CERCAM: variants seen among roughly 807,000 people sequenced by gnomAD.
CERCAM encodes inactive glycosyltransferase 25 family member 3.
In CERCAM, 59 loss-of-function variants were observed where a neutral mutation model predicts 66.0. The ratio of observed to expected loss-of-function variants is 0.89; its 90% CI spans 0.73 to 1.11. The LOEUF (loss-of-function observed/expected upper bound fraction) is 1.11. CERCAM is among the 50% of genes most tolerant of loss of function. The probability of loss-of-function intolerance (pLI) is 0.00; values close to 1 mark genes in which losing one functional copy is unlikely to be tolerated. For synonymous variants in CERCAM, 318 were observed against 343.6 expected, an observed-to-expected ratio of 0.93 and a Z score of 0.83; for missense variants, 840 against 828.3, an observed-to-expected ratio of 1.01 and a Z score of -0.17.
chr9:128,421,253 G>A, intron 1 of CERCAM, 179 bp downstream of exon 1: 2 of 1,235,836 alleles, frequency 1.6e-6, no homozygotes, highest in Non-Finnish European at 2.0e-6. Context: ...CCCCCTGCTG[G>A]GAGACGACAG....
intron 4 of CERCAM, 65 bp downstream of exon 4, chr9:128,424,337 A>G (rs1833785716): frequency 6.2e-7 from 1 of 1,611,914 alleles, no homozygotes. Context: ...GAGAGCAGAG[A>G]GCCTGAGGCC....
chr9:128,427,520 T>C (rs956926318), intron 5 of CERCAM: 4 of 151,986 alleles, frequency 2.6e-5, no homozygotes, highest in African/African-American at 9.7e-5. Flanking sequence ...TCCCAGCACT[T>C]TGGATGGCCT....
chr9:128,427,311 C>T (rs1048930983), intron 5 of CERCAM, among the ~76,000 whole-genome samples: 12 of 151,978 alleles, frequency 7.9e-5, no homozygotes, highest in African/African-American at 2.7e-4. Flanking sequence ...TGGGGTTTCA[C>T]CATGTTGGCC....
At chr9:128,435,411 G>C (rs1834084875) in intron 11 of CERCAM, among the ~76,000 whole-genome samples, 1 of 152,188 alleles carries the variant, frequency 6.6e-6, no homozygotes, top group African/African-American at 2.4e-5. Flanking sequence ...TGGGATTATA[G>C]GCATGAGCCA....
rs547864338 is a variant in CERCAM, at chr9:128,420,864, C to G, written c.-14C>G. 162 of 1,231,724 alleles carry G rather than the reference C, an allele frequency of 1.3e-4. 1 individual carries two copies. The South Asian group carries it at 4.5e-3, about 34-fold the overall frequency. 76.3% of individuals were successfully genotyped at this position (1,231,724 alleles called of 1,614,324 possible). On this transcript the variant is annotated 5_prime_UTR_variant, in exon 1 of 13. Transcript: ENST00000372838. The surrounding 1 kb of genome is among the most constrained non-coding windows in gnomAD (Gnocchi z 5.0). ...AGAGCTCCGGGGGCCGCTGCAGCCG[C>G]CCAAGCGCCCGCCATGCGCGCTGCC...
intron 5 of CERCAM, among the ~76,000 whole-genome samples, chr9:128,426,747 G>C (rs757551248): frequency 6.6e-6 from 1 of 152,186 alleles, no homozygotes; most frequent in African/African-American, 2.4e-5. Context: ...GGTGCATGGA[G>C]AAGAACTTTG....
At position 128,434,304 on chromosome 9, in the gene CERCAM, T is replaced by A; in HGVS notation, c.1331+75T>A. Reference sequence around the variant, plus strand: ...GTCTGCCTTTTCCTGCTTGGGACCCTGGCCGGCCCATCCCCTGAGAGCCTG... The same window carrying A: ...GTCTGCCTTTTCCTGCTTGGGACCCAGGCCGGCCCATCCCCTGAGAGCCTG... On this transcript the variant is annotated intron_variant, in intron 10 of 12. Coordinates refer to ENST00000372838, the MANE Select transcript of CERCAM (RefSeq NM_016174.5). This position sits in a 1 kb window ranked among gnomAD's most constrained non-coding sequence, Gnocchi z 4.5. The A allele has an allele frequency of 6.2e-7, 1 of 1,604,122 alleles. No homozygotes were observed. The highest frequency in any genetic ancestry group is 1.1e-5 in the South Asian group (1 of 90,196).
chr9:128,423,078 C>G (rs374225453), intron 2 of CERCAM, 68 bp from the exon 3 acceptor site: 1 of 1,606,616 alleles, frequency 6.2e-7, no homozygotes, highest in African/African-American at 1.3e-5. Context: ...AGCCAGGGCT[C>G]TGTCCACTGC....
intron 6 of CERCAM, 22 bp from the exon 7 acceptor site, chr9:128,428,735 T>G (rs1004058365): frequency 2.5e-6 from 4 of 1,613,516 alleles, no homozygotes; most frequent in Admixed American, 1.7e-5. Flanking sequence ...GACTCGTGCT[T>G]GGGGTGTGCT....
chr9:128,431,651 G>C (rs1833979570), intron 9 of CERCAM: 1 of 220,726 alleles, frequency 4.5e-6, no homozygotes, highest in African/African-American at 2.3e-5. Flanking sequence ...TTGCAGTGGA[G>C]GGGAGAGGTA....
intron 7 of CERCAM, 37 bp from the exon 8 acceptor site, chr9:128,428,893 C>G: frequency 6.2e-7 from 1 of 1,608,118 alleles, no homozygotes; most frequent in South Asian, 1.1e-5. Context: ...CTCTTCCGCT[C>G]CCTTGCACTT....
rs766189993 is a variant in CERCAM, at chr9:128,422,970, C to T, written c.300C>T (p.Gly100=). The T allele has an allele frequency of 2.2e-5, 35 of 1,613,424 alleles. No individual in the cohort carries two copies. The highest frequency in any genetic ancestry group is 2.7e-5 in the African/African-American group (2 of 74,830). The change falls in exon 2 of 13, where the codon GGC becomes GGT. Residue 100 remains glycine (G), a synonymous_variant. Coordinates refer to ENST00000372838, the MANE Select transcript of CERCAM (RefSeq NM_016174.5). ...DYAAVVWRPE[G]EPRFYPDEEG... ...CTGCTGTGGTCTGGAGGCCTGAGGG[C>T]GAGCCCAGGTGGTGATCTGAGGGGA...
chr9:128,429,051 T>G lies in CERCAM; in HGVS notation c.1070+15T>G. ...GTGGATGGCTGGTGAGCCTGCCTGG[T>G]GGGGGGGGCCCTGTGCGCTTGGGGA... On this transcript the variant is annotated intron_variant, in intron 8 of 12. Transcript: ENST00000372838. 1 of 1,566,092 alleles carries G rather than the reference T, an allele frequency of 6.4e-7. No individual in the cohort carries two copies. Among genetic ancestry groups the G allele is most frequent in the Non-Finnish European group, 8.7e-7 (1 of 1,151,738 alleles).
chr9:128,428,365 A>G lies in CERCAM; in HGVS notation c.830A>G (p.His277Arg). ...YGYMNVPVKS[H>R]QGLEDERVNF... ...TACATGAATGTGCCGGTGAAATCCC[A>G]CCAGGGGCTGGAAGACGAGAGGGTC... is the stretch of plus-strand genomic sequence containing the variant. The change falls in exon 6 of 13, where the codon CAC becomes CGC. Residue 277 changes from histidine (H) to arginine (R), a missense_variant. His to Arg is a conservative substitution (Grantham distance 29). Transcript: ENST00000372838. 1 of 1,614,124 alleles carries G rather than the reference A, an allele frequency of 6.2e-7. No homozygotes were observed. The highest frequency in any genetic ancestry group is 1.1e-5 in the South Asian group (1 of 91,080).
intron 5 of CERCAM, among the ~76,000 whole-genome samples, chr9:128,427,040 G>A (rs1393562101): frequency 6.6e-6 from 1 of 152,222 alleles, no homozygotes; most frequent in African/African-American, 2.4e-5. Context: ...GTCTCTAACA[G>A]CCAGATACTA....
At chr9:128,427,909 T>C (rs1475350726) in intron 5 of CERCAM, 1 of 123,976 alleles carries the variant, frequency 8.1e-6, no homozygotes, top group South Asian at 2.3e-4. Context: ...TGGATCCAGG[T>C]GGGGTGGTGG....
intron 1 of CERCAM, chr9:128,422,385 TG>T: frequency 6.5e-6 from 1 of 154,458 alleles, no homozygotes; most frequent in African/African-American, 2.4e-5. Context: ...CTGGCTAACA[TG>T]GTGAAACCCC....
At chr9:128,421,312 C>T in intron 1 of CERCAM, 1 of 1,222,722 alleles carries the variant, frequency 8.2e-7, no homozygotes, top group African/African-American at 1.6e-5. Context: ...TCCTTCTGGT[C>T]CCCTACTCCT....
chr9:128,435,495 T>C (rs1834086658), intron 11 of CERCAM, among the ~76,000 whole-genome samples, 158 bp from the exon 12 acceptor site: 1 of 152,050 alleles, frequency 6.6e-6, no homozygotes, highest in Non-Finnish European at 1.5e-5. Context: ...ATCTGGAAAA[T>C]GGAGGTAGTA....
Sources: gnomAD v4.1 joint callset for allele counts (sites outside exome capture counted in the v4.1 genomes callset) on GRCh38, gnomAD v4.1.1 for gene constraint, Gnocchi (gnomAD v3.1) non-coding constraint, MANE v1.5 for transcripts, NCBI Gene and HGNC (gene_info 2026-07-23, HGNC 2026-07-21) for gene names.